IQCM: variants seen among roughly 807,000 people sequenced by gnomAD.
The protein encoded by IQCM is IQ domain-containing protein M.
IQCM carries 45 observed loss-of-function variants against 57.6 expected under a neutral mutation model. The observed-to-expected ratio is 0.78, with a 90% CI of 0.62 to 1.00. The LOEUF is 1.00. Among genes scored for constraint, IQCM ranks in the 50% least tolerant of loss-of-function variants. IQCM has a pLI of 0.00. For missense variants in IQCM, 468 were observed against 511.6 expected, an observed-to-expected ratio of 0.91 and a Z score of 0.82; for synonymous variants, 148 against 158.9, an observed-to-expected ratio of 0.93 and a Z score of 0.51.
intron 13 of IQCM, among the ~76,000 whole-genome samples, chr4:149,365,635 A>G (rs566938224): frequency 6.6e-6 from 1 of 152,326 alleles, no homozygotes; most frequent in Non-Finnish European, 1.5e-5. Flanking sequence ...ATCACCAGTG[A>G]TAAGTCATAT....
At chr4:149,531,662 T>C (rs969878202) in intron 12 of IQCM, among the ~76,000 whole-genome samples, 3 of 152,272 alleles carry the variant, frequency 2.0e-5, no homozygotes, top group African/African-American at 7.2e-5. Context: ...CACCAGCAAC[T>C]GTTATAAATA....
Position 149,668,122 on chromosome 4 carries a change from T to C in IQCM, c.565+13996A>G, listed in dbSNP as rs1579926911. 2.0e-5 allele frequency among the ~76,000 whole-genome samples: 3 copies of C among 151,952 alleles called. No individual in the cohort carries two copies. In the South Asian group the frequency reaches 6.2e-4, roughly 32 times the overall value. ...AGAAGAGCAATCCCAAGACACATAA[T>C]TGTCAGATTCACCAAAGTTGAAATG... is the stretch of plus-strand genomic sequence containing the variant. On this transcript the variant is annotated intron_variant, in intron 7 of 13. Coordinates refer to ENST00000636793, the MANE Select transcript of IQCM (RefSeq NM_001363507.2).
At chr4:149,384,589 A>C (rs1197711553) in intron 13 of IQCM, among the ~76,000 whole-genome samples, 1 of 152,048 alleles carries the variant, frequency 6.6e-6, no homozygotes, top group Non-Finnish European at 1.5e-5. Context: ...TTGTCTAGTC[A>C]CTTTTCCACA....
At chr4:149,569,555 G>A (rs778999115) in intron 9 of IQCM, among the ~76,000 whole-genome samples, 5 of 152,078 alleles carry the variant, frequency 3.3e-5, no homozygotes, top group Non-Finnish European at 7.4e-5. Flanking sequence ...CATATCATTA[G>A]CAGGTAGTTT....
intron 9 of IQCM, among the ~76,000 whole-genome samples, chr4:149,571,732 A>T (rs1376725182): frequency 6.6e-6 from 1 of 152,106 alleles, no homozygotes; most frequent in East Asian, 1.9e-4. Flanking sequence ...TCGAAGCATC[A>T]TGTTGTACAC....
At chr4:149,650,724 G>A (rs1453701791) in intron 7 of IQCM, among the ~76,000 whole-genome samples, 1 of 151,966 alleles carries the variant, frequency 6.6e-6, no homozygotes, top group Admixed American at 6.6e-5. Flanking sequence ...TTCAGTTTGT[G>A]GTAATTTGTT....
intron 13 of IQCM, among the ~76,000 whole-genome samples, chr4:149,386,232 T>C (rs1731415752): frequency 6.6e-6 from 1 of 152,074 alleles, no homozygotes; most frequent in Non-Finnish European, 1.5e-5. Context: ...ACTCTGGGTG[T>C]CATGTACTTC....
chr4:149,766,445 C>T (rs1388969385), intron 2 of IQCM, among the ~76,000 whole-genome samples: 6 of 152,094 alleles, frequency 3.9e-5, no homozygotes, highest in Non-Finnish European at 8.8e-5. Flanking sequence ...AGAGACTTGT[C>T]GTTTCAGGCT....
chr4:149,519,015 A>G (rs1745299035), intron 12 of IQCM, among the ~76,000 whole-genome samples: 1 of 152,224 alleles, frequency 6.6e-6, no homozygotes, highest in African/African-American at 2.4e-5. Context: ...TGATTTAGAG[A>G]AAAAAGCAGA....
At chr4:149,808,435 T>C (rs768766524) in intron 2 of IQCM, among the ~76,000 whole-genome samples, 3 of 152,086 alleles carry the variant, frequency 2.0e-5, no homozygotes, top group Non-Finnish European at 4.4e-5. Context: ...GGCTAATGAG[T>C]ACAAAAATAC....
chr4:149,645,179 G>A (rs1481765328), intron 7 of IQCM, among the ~76,000 whole-genome samples: 2 of 152,130 alleles, frequency 1.3e-5, no homozygotes, highest in Non-Finnish European at 2.9e-5. Flanking sequence ...TCTTATACAT[G>A]TAGGTTTTTA....
chr4:149,783,166 C>T (rs1239960114), intron 2 of IQCM, among the ~76,000 whole-genome samples: 2 of 152,208 alleles, frequency 1.3e-5, no homozygotes, highest in African/African-American at 2.4e-5. Flanking sequence ...CATTTCCTAA[C>T]TTAACAAGTC....
At chr4:149,549,282 G>A (rs560432227) in intron 11 of IQCM, among the ~76,000 whole-genome samples, 39 of 152,166 alleles carry the variant, frequency 2.6e-4, no homozygotes, top group Non-Finnish European at 4.4e-4. Flanking sequence ...TTGGGAGGCC[G>A]AGGCGGGCGG....
intron 2 of IQCM, among the ~76,000 whole-genome samples, chr4:149,801,444 T>C (rs180749539): frequency 6.6e-6 from 1 of 152,010 alleles, no homozygotes; most frequent in Admixed American, 6.6e-5. Flanking sequence ...TGCACTCCCA[T>C]GTTTGTTGCA....
At chr4:149,508,973 C>G (rs929780268) in intron 12 of IQCM, among the ~76,000 whole-genome samples, 1 of 152,176 alleles carries the variant, frequency 6.6e-6, no homozygotes, top group South Asian at 2.1e-4. Flanking sequence ...TTTCCCTGCA[C>G]AAACTCTCTT....
chr4:149,713,813 T>C (rs1250371550), intron 5 of IQCM, among the ~76,000 whole-genome samples: 3 of 152,288 alleles, frequency 2.0e-5, no homozygotes, highest in South Asian at 2.1e-4. Flanking sequence ...CATCTTCTTA[T>C]AGATACTGTT....
chr4:149,576,081 C>T (rs929978668), intron 9 of IQCM, among the ~76,000 whole-genome samples: 6 of 151,778 alleles, frequency 4.0e-5, no homozygotes, highest in African/African-American at 1.2e-4. Flanking sequence ...TATCATTTCA[C>T]GTAATGGAAA....
intron 2 of IQCM, among the ~76,000 whole-genome samples, chr4:149,784,298 C>A (rs940841166): frequency 6.6e-6 from 1 of 152,304 alleles, no homozygotes. Flanking sequence ...GAAAAACTTG[C>A]CACTGGCTCA....
intron 12 of IQCM, among the ~76,000 whole-genome samples, chr4:149,540,971 A>G (rs1289390450): frequency 6.6e-6 from 1 of 152,184 alleles, no homozygotes; most frequent in African/African-American, 2.4e-5. Flanking sequence ...TTCTTTTGCC[A>G]TCAGAATTTT....
Sources: gnomAD v4.1 joint callset for allele counts (sites outside exome capture counted in the v4.1 genomes callset) on GRCh38, gnomAD v4.1.1 for gene constraint, MANE v1.5 for transcripts, NCBI Gene and HGNC (gene_info 2026-07-23, HGNC 2026-07-21) for gene names.